Variants in SYT5 observed in about 807,000 individuals in gnomAD.
SYT5 encodes the protein synaptotagmin-5.
In SYT5, 29 loss-of-function variants were observed where a neutral mutation model predicts 36.0. The ratio of observed to expected loss-of-function variants is 0.81; its 90% CI spans 0.60 to 1.10. The LOEUF is 1.10. SYT5 is among the 50% of genes least tolerant of loss of function. The probability of loss-of-function intolerance (pLI) is 0.00; values close to 1 mark genes in which losing one functional copy is unlikely to be tolerated. For missense variants in SYT5, 512 were observed against 516.0 expected, an observed-to-expected ratio of 0.99 and a Z score of 0.08; for synonymous variants, 231 against 227.6, an observed-to-expected ratio of 1.02 and a Z score of -0.14.
At position 55,172,378 on chromosome 19, in the gene SYT5, G is replaced by A. The variant is rs2086014206; in HGVS notation, c.*1106C>T. 1.3e-5 allele frequency: 2 copies of A among 151,052 alleles called. No individual in the cohort carries two copies. The highest frequency in any genetic ancestry group is 4.9e-5 in the African/African-American group (2 of 41,010). 9.4% of individuals were successfully genotyped at this position (151,052 alleles called of 1,614,324 possible). On this transcript the variant is annotated 3_prime_UTR_variant, in exon 9 of 9. Coordinates refer to ENST00000354308, the MANE Select transcript of SYT5 (RefSeq NM_003180.3). ...GGAGCTTGCAGTGAGCCGAAATCGT[G>A]CCACTGCACTCCAGCCTGGGCGACA...
Position 55,175,686 on chromosome 19 carries a change from G to A in SYT5, c.540+23C>T, listed in dbSNP as rs1319308788. On this transcript the variant is annotated intron_variant, in intron 5 of 8. Coordinates refer to ENST00000354308, the MANE Select transcript of SYT5 (RefSeq NM_003180.3). The surrounding 1 kb of genome is among the most constrained non-coding windows in gnomAD (Gnocchi z 4.5). ...GGACTGGGCACAGGCTATGGAACACGGGGCCTGAAGGCAGGAGCTCACCTT... is the reference window on the plus strand; with the variant it reads ...GGACTGGGCACAGGCTATGGAACACAGGGCCTGAAGGCAGGAGCTCACCTT... 2 of 1,610,844 alleles carry A rather than the reference G, an allele frequency of 1.2e-6. No individual in the cohort carries two copies. The highest frequency in any genetic ancestry group is 2.7e-5 in the African/African-American group (2 of 74,822).
Position 55,178,945 on chromosome 19 carries a change from C to G in SYT5, c.79+18G>C. The G allele has an allele frequency of 6.0e-6, 9 of 1,489,000 alleles. No individual in the cohort carries two copies. The highest frequency in any genetic ancestry group is 8.0e-6 in the Non-Finnish European group (9 of 1,120,556). 92.2% of individuals were successfully genotyped at this position (1,489,000 alleles called of 1,614,324 possible). A position where few individuals can be genotyped will look rare whatever the true frequency, so the allele number is the denominator to read the frequency against. On this transcript the variant is annotated intron_variant, in intron 2 of 8. Coordinates refer to ENST00000354308, the MANE Select transcript of SYT5 (RefSeq NM_003180.3). ...GGCTTTCTCTCTGCTCGGCCCCCCA[C>G]CCCCGGGTCTTGCTCACCTGGGCCG... is the stretch of plus-strand genomic sequence containing the variant.
In SYT5 at chr19:55,171,555, TG is replaced by T. The variant is rs1252284752; in HGVS notation, c.*1928del. The T allele has an allele frequency of 3.9e-5, 6 of 152,312 alleles. No homozygotes were observed. The East Asian group carries it at 1.2e-3, about 29-fold the overall frequency. 9.4% of individuals were successfully genotyped at this position (152,312 alleles called of 1,614,324 possible). ...TTAATCTGCTGCTCAGAGAGTTCTC[TG>T]GCCAAATCTTATAGGTCTTTGTTCA... is the stretch of plus-strand genomic sequence containing the variant. On this transcript the variant is annotated 3_prime_UTR_variant, in exon 9 of 9. Transcript: ENST00000354308.
chr19:55,175,050 C>CCTCAGGG lies in SYT5; in HGVS notation c.709-58_709-52dup. On this transcript the variant is annotated intron_variant, in intron 6 of 8. Transcript: ENST00000354308. The surrounding 1 kb of genome is among the most constrained non-coding windows in gnomAD (Gnocchi z 4.5). ...GAGCCCCGGCTCCACATCCATGCCTCCTCAGGGGTACAATCCACGCCGCCC... is the reference window on the plus strand; with the variant it reads ...GAGCCCCGGCTCCACATCCATGCCTCCTCAGGGCTCAGGGGTACAATCCACGCCGCCC... 6.2e-7 allele frequency: 1 copy of CCTCAGGG among 1,604,992 alleles called. No homozygotes were observed. Among genetic ancestry groups the CCTCAGGG allele is most frequent in the Non-Finnish European group, 8.5e-7 (1 of 1,177,544 alleles).
chr19:55,178,878 C>T, intron 2 of SYT5, 85 bp downstream of exon 2: 1 of 1,329,326 alleles, frequency 7.5e-7, no homozygotes. Flanking sequence ...CCCGCCTGCC[C>T]GAGTACACCC....
In SYT5 at chr19:55,175,573, CAGTGGAATAGCCCCAGA is replaced by C; in HGVS notation, c.540+119_540+135del. Reference sequence around the variant, plus strand: ...CCAGGAGTCAGTAGTGCCCAGGGTCCAGTGGAATAGCCCCAGAGCTGGTAGCTGCCACCTGAGCTGTG... The same window carrying C: ...CCAGGAGTCAGTAGTGCCCAGGGTCCGCTGGTAGCTGCCACCTGAGCTGTG... On this transcript the variant is annotated intron_variant, in intron 5 of 8. Transcript: ENST00000354308. The surrounding 1 kb of genome is among the most constrained non-coding windows in gnomAD (Gnocchi z 4.5). 1 of 1,255,440 alleles carries C rather than the reference CAGTGGAATAGCCCCAGA, an allele frequency of 8.0e-7. No homozygotes were observed. Among genetic ancestry groups the C allele is most frequent in the South Asian group, 1.4e-5 (1 of 69,584 alleles). 77.8% of individuals were successfully genotyped at this position (1,255,440 alleles called of 1,614,324 possible).
chr19:55,179,276 G>A lies in SYT5; in HGVS notation c.-45-190C>T. On this transcript the variant is annotated intron_variant, in intron 1 of 8. Coordinates refer to ENST00000354308, the MANE Select transcript of SYT5 (RefSeq NM_003180.3). The surrounding 1 kb of genome is among the most constrained non-coding windows in gnomAD (Gnocchi z 4.5). ...CCAGGACCTAGTTCCATCCTAAAGG[G>A]ATACCCTCTTCCTCCACGGCCCCAC... 3 of 1,382,372 alleles carry A rather than the reference G, an allele frequency of 2.2e-6. No homozygotes were observed. Among genetic ancestry groups the A allele is most frequent in the Non-Finnish European group, 2.8e-6 (3 of 1,067,882 alleles). 85.6% of individuals were successfully genotyped at this position (1,382,372 alleles called of 1,614,324 possible). A position where few individuals can be genotyped will look rare whatever the true frequency, so the allele number is the denominator to read the frequency against.
rs964118834 is a variant in SYT5 at position 55,173,197 on chromosome 19, AG to A, written c.*286del. ...GACGAGGATGGCTGATTGTCAAAGCAGGGGGCAGGACCCGGGGGCAGGAGAA... is the reference window on the plus strand; with the variant it reads ...GACGAGGATGGCTGATTGTCAAAGCAGGGGCAGGACCCGGGGGCAGGAGAA... On this transcript the variant is annotated 3_prime_UTR_variant, in exon 9 of 9. Coordinates refer to ENST00000354308, the MANE Select transcript of SYT5 (RefSeq NM_003180.3). This position sits in a 1 kb window ranked among gnomAD's most constrained non-coding sequence, Gnocchi z 5.4. 1.7e-4 allele frequency: 61 copies of A among 361,496 alleles called. No individual in the cohort carries two copies. Among genetic ancestry groups the A allele is most frequent in the African/African-American group, 1.2e-3 (56 of 47,652 alleles). The allele number at this position is 361,496 out of a possible 1,614,324, so 22.4% of individuals were successfully genotyped here.
Position 55,175,895 on chromosome 19 carries a change from G to A in SYT5, c.373-19C>T. The stretch of plus-strand genomic sequence containing the variant: ...CCAGCAGCTGCAGGGCCCAGGCACA[G>A]TGGGGGAGGTGGGGAACACTAGTCT... On this transcript the variant is annotated intron_variant, in intron 4 of 8. Transcript: ENST00000354308. This position sits in a 1 kb window ranked among gnomAD's most constrained non-coding sequence, Gnocchi z 4.5. 1.9e-6 allele frequency: 3 copies of A among 1,613,978 alleles called. No individual in the cohort carries two copies. The highest frequency in any genetic ancestry group is 2.5e-6 in the Non-Finnish European group (3 of 1,179,872).
In SYT5 at chr19:55,173,301, T is replaced by G; in HGVS notation, c.*183A>C. 2.2e-6 allele frequency: 1 copy of G among 462,584 alleles called. No individual in the cohort carries two copies. The highest frequency in any genetic ancestry group is 3.5e-6 in the Non-Finnish European group (1 of 283,258). 28.7% of individuals were successfully genotyped at this position (462,584 alleles called of 1,614,324 possible). On this transcript the variant is annotated 3_prime_UTR_variant, in exon 9 of 9. Coordinates refer to ENST00000354308, the MANE Select transcript of SYT5 (RefSeq NM_003180.3). The surrounding 1 kb of genome is among the most constrained non-coding windows in gnomAD (Gnocchi z 5.4). Reference sequence around the variant, plus strand: ...AGGGTCGGGGGAGTGTGCTGGAAAGTTGTCGTGATTGGCATCGTTGGGGGT... The same window carrying G: ...AGGGTCGGGGGAGTGTGCTGGAAAGGTGTCGTGATTGGCATCGTTGGGGGT...
At position 55,176,115 on chromosome 19, in the gene SYT5, C is replaced by T; in HGVS notation, c.262G>A (p.Glu88Lys). 3 of 1,614,160 alleles carry T rather than the reference C, an allele frequency of 1.9e-6. No individual in the cohort carries two copies. The highest frequency in any genetic ancestry group is 8.5e-7 in the Non-Finnish European group (1 of 1,180,044). The change falls in exon 4 of 9, where the codon GAA becomes AAA. Residue 88 changes from glutamate to lysine, a missense_variant. By Grantham distance (56) the Glu-to-Lys change is moderately conservative. Coordinates refer to ENST00000354308, the MANE Select transcript of SYT5 (RefSeq NM_003180.3). ...GGTGCTGGCTCCAGCTCCTCTACTT[C>T]TGGCTGCACCTTAAGGAGCCAGGGG... ...GQSYIDKVQP[E>K]VEELEPAPSG...
In SYT5 at chr19:55,175,488, C is replaced by CG. The variant is rs2086065536; in HGVS notation, c.541-150dup. On this transcript the variant is annotated intron_variant, in intron 5 of 8. Transcript: ENST00000354308. The surrounding 1 kb of genome is among the most constrained non-coding windows in gnomAD (Gnocchi z 4.5). ...AAATGGGAAAGTCCAGGGATCCATG[C>CG]GGAAAAAAATCACGGGTCAGTGGAA... 8.8e-7 allele frequency: 1 copy of CG among 1,131,032 alleles called. No individual in the cohort carries two copies. Among genetic ancestry groups the CG allele is most frequent in the Admixed American group, 2.9e-5 (1 of 34,352 alleles). 70.1% of individuals were successfully genotyped at this position (1,131,032 alleles called of 1,614,324 possible). A position where few individuals can be genotyped will look rare whatever the true frequency, so the allele number is the denominator to read the frequency against.
In SYT5 at chr19:55,172,454, AAC is replaced by A. The variant is rs1299241918; in HGVS notation, c.*1028_*1029del. ...AAAAACAAAAACAAAAAAACAAACA[AAC>A]AAAAAAAAAACAAGAGAAAAAGAAA... is the stretch of plus-strand genomic sequence containing the variant. On this transcript the variant is annotated 3_prime_UTR_variant, in exon 9 of 9. Transcript: ENST00000354308. 4.0e-5 allele frequency: 6 copies of A among 149,638 alleles called. No homozygotes were observed. The highest frequency in any genetic ancestry group is 1.5e-4 in the African/African-American group (6 of 40,360). The allele number at this position is 149,638 out of a possible 1,614,324, so 9.3% of individuals were successfully genotyped here.
chr19:55,178,348 T>C lies in SYT5; in HGVS notation c.100A>G (p.Thr34Ala), dbSNP rs181797959. ...HGPVPPWALA[T>A]IVLVSGLLIF... Reference sequence around the variant, plus strand: ...AGGAGGCCTGAGACCAGCACGATGGTGGCCAGGGCCCAGGGGGGCACTGCA... The same window carrying C: ...AGGAGGCCTGAGACCAGCACGATGGCGGCCAGGGCCCAGGGGGGCACTGCA... The change falls in exon 3 of 9, where the codon ACC (threonine) becomes GCC (alanine). Residue 34 changes from threonine to alanine, a missense_variant. Transcript: ENST00000354308. 1.2e-6 allele frequency: 2 copies of C among 1,611,502 alleles called. No homozygotes were observed. Among genetic ancestry groups the C allele is most frequent in the Non-Finnish European group, 1.7e-6 (2 of 1,179,364 alleles).
Position 55,179,370 on chromosome 19 carries a change from A to C in SYT5, c.-45-284T>G, listed in dbSNP as rs771926936. On this transcript the variant is annotated intron_variant, in intron 1 of 8. Coordinates refer to ENST00000354308, the MANE Select transcript of SYT5 (RefSeq NM_003180.3). This position sits in a 1 kb window ranked among gnomAD's most constrained non-coding sequence, Gnocchi z 4.5. The stretch of plus-strand genomic sequence containing the variant: ...GTCTGAACCGGAAGCGGGCGAAGGC[A>C]GACGTGGGAACCAGCAGACCGCGTT... 4.0e-6 allele frequency: 3 copies of C among 753,992 alleles called. No homozygotes were observed. The highest frequency in any genetic ancestry group is 3.4e-5 in the East Asian group (1 of 29,740). 46.7% of individuals were successfully genotyped at this position (753,992 alleles called of 1,614,324 possible).
rs1652068738 is a variant in SYT5 at position 55,179,019 on chromosome 19, G to A, written c.23C>T (p.Pro8Leu). 1.9e-6 allele frequency: 3 copies of A among 1,603,734 alleles called. No individual in the cohort carries two copies. The highest frequency in any genetic ancestry group is 2.6e-6 in the Non-Finnish European group (3 of 1,175,700). The change falls in exon 2 of 9, where the codon CCG becomes CTG. Residue 8 changes from proline (P) to leucine (L), a missense_variant. By Grantham distance (98) the Pro-to-Leu change is moderately conservative. Transcript: ENST00000354308. The surrounding 1 kb of genome is among the most constrained non-coding windows in gnomAD (Gnocchi z 4.5). MFPEPPT[P>L]GPPSPDTPPD... is the part of the protein sequence containing the mutation. ...AGGCGTGTCGGGCGATGGAGGCCCC[G>A]GGGTTGGGGGCTCCGGGAACATGGT...
rs1220314083 is a variant in SYT5 at position 55,174,592 on chromosome 19, G to C, written c.885C>G (p.Thr295=). 6.2e-7 allele frequency: 1 copy of C among 1,613,954 alleles called. No individual in the cohort carries two copies. The highest frequency in any genetic ancestry group is 8.5e-7 in the Non-Finnish European group (1 of 1,179,994). Residue 295 remains threonine (T), a synonymous_variant, in exon 8 of 9, where the codon ACC becomes ACG. Coordinates refer to ENST00000354308, the MANE Select transcript of SYT5 (RefSeq NM_003180.3). ...QGGKKVRKKK[T]TIKKNTLNPY... ...GGTTCAGAGTGTTCTTCTTGATGGT[G>C]GTTTTCTTCTTCCGCACCTTTTTGC...
rs2086035775 is a variant in SYT5 at position 55,173,935 on chromosome 19, C to T, written c.961-251G>A. 5.0e-6 allele frequency: 2 copies of T among 401,044 alleles called. No individual in the cohort carries two copies. Among genetic ancestry groups the T allele is most frequent in the Non-Finnish European group, 8.7e-6 (2 of 230,082 alleles). 24.8% of individuals were successfully genotyped at this position (401,044 alleles called of 1,614,324 possible). A position where few individuals can be genotyped will look rare whatever the true frequency, so the allele number is the denominator to read the frequency against. ...GAACCCTCAGGACTCGGTTGCGGAG[C>T]GGGTGTGTTCGGCGCCTCCTGGGGG... is the stretch of plus-strand genomic sequence containing the variant. On this transcript the variant is annotated intron_variant, in intron 8 of 8. Transcript: ENST00000354308. This position sits in a 1 kb window ranked among gnomAD's most constrained non-coding sequence, Gnocchi z 5.4.
chr19:55,174,884 G>C lies in SYT5; in HGVS notation c.824C>G (p.Ser275Ter). 1 of 1,613,940 alleles carries C rather than the reference G, an allele frequency of 6.2e-7. No individual in the cohort carries two copies. The highest frequency in any genetic ancestry group is 8.5e-7 in the Non-Finnish European group (1 of 1,179,888). The change falls in exon 7 of 9, where the codon TCA (serine) becomes TGA (stop). Residue 275 changes from serine to a stop codon, truncating the protein, a stop_gained and splice_region_variant. Coordinates refer to ENST00000354308, the MANE Select transcript of SYT5 (RefSeq NM_003180.3). LOFTEE classifies it high-confidence loss of function. ...CCACTCCCTTGCTTCCCACACACCTGACAGTCCTCCTACGTCCATCTTCTT... is the reference window on the plus strand; with the variant it reads ...CCACTCCCTTGCTTCCCACACACCTCACAGTCCTCCTACGTCCATCTTCTT... ...NLKKMDVGGL[S>*]DPYVKVHLLQ...
Sources: allele counts gnomAD v4.1 joint callset, GRCh38; gene constraint gnomAD v4.1.1; non-coding constraint Gnocchi (gnomAD v3.1); transcripts MANE v1.5; gene names NCBI Gene and HGNC (gene_info 2026-07-23, HGNC 2026-07-21).